Variants in ADGRL2 observed in about 807,000 individuals in gnomAD.
The protein encoded by ADGRL2 is adhesion G protein-coupled receptor L2.
In ADGRL2, 44 loss-of-function variants were observed where a neutral mutation model predicts 157.4. The observed-to-expected ratio is 0.28, with a 90% CI of 0.22 to 0.36. The LOEUF (loss-of-function observed/expected upper bound fraction) is 0.36, where lower values mean the gene tolerates loss of function less well. Ranked by LOEUF, ADGRL2 falls within the 10% of genes least tolerant of loss-of-function variation. The probability of loss-of-function intolerance (pLI) is 1.00; values close to 1 mark genes in which losing one functional copy is unlikely to be tolerated. For missense variants in ADGRL2, 1,510 were observed against 1,768.9 expected (o/e 0.85, Z 2.63); for synonymous variants, 585 against 624.7 (o/e 0.94, Z 0.95).
intron 1 of ADGRL2, among the ~76,000 whole-genome samples, chr1:81,365,684 C>T (rs1425683655): frequency 6.6e-6 from 1 of 152,200 alleles, no homozygotes; most frequent in East Asian, 1.9e-4. Context: ...ACCATACCCA[C>T]AAGCATGATT....
At chr1:81,342,706 T>C (rs1179762058) in intron 1 of ADGRL2, among the ~76,000 whole-genome samples, 2 of 152,166 alleles carry the variant, frequency 1.3e-5, no homozygotes, top group Non-Finnish European at 2.9e-5. Flanking sequence ...AAGTATCTTA[T>C]ATTTAATATG....
intron 2 of ADGRL2, among the ~76,000 whole-genome samples, chr1:81,487,291 A>G (rs1035223754): frequency 5.3e-5 from 8 of 151,994 alleles, no homozygotes; most frequent in African/African-American, 1.7e-4. Context: ...AAAGAAATGT[A>G]TAAGTGGCCA....
intron 1 of ADGRL2, among the ~76,000 whole-genome samples, chr1:81,404,038 C>A (rs555501121): frequency 6.6e-6 from 1 of 151,848 alleles, no homozygotes; most frequent in Non-Finnish European, 1.5e-5. Context: ...CCTCGTAATC[C>A]GTCCACCTCG....
intron 1 of ADGRL2, among the ~76,000 whole-genome samples, chr1:81,399,782 G>A (rs570368188): frequency 6.6e-6 from 1 of 152,092 alleles, no homozygotes; most frequent in African/African-American, 2.4e-5. Context: ...GCAATTCATA[G>A]TTTCCTTTTC....
intron 1 of ADGRL2, among the ~76,000 whole-genome samples, chr1:81,407,464 A>G (rs2076873252): frequency 6.6e-6 from 1 of 152,234 alleles, no homozygotes; most frequent in African/African-American, 2.4e-5. Flanking sequence ...GAGACTGCCC[A>G]CTGTTACACA....
chr1:81,310,336 A>G (rs1297950645), intron 1 of ADGRL2, among the ~76,000 whole-genome samples: 1 of 152,172 alleles, frequency 6.6e-6, no homozygotes, highest in Non-Finnish European at 1.5e-5. Flanking sequence ...CCCAATGTGA[A>G]AAGATGAACT....
Position 81,322,089 on chromosome 1 carries a change from T to TATATATATATATATATATATACAC in ADGRL2, c.-302+15592_-302+15615dup, listed in dbSNP as rs1268332961. Among the ~76,000 whole-genome samples, 363 of 103,488 alleles carry TATATATATATATATATATATACAC rather than the reference T, an allele frequency of 3.5e-3. 2 individuals carry two copies. Among genetic ancestry groups the TATATATATATATATATATATACAC allele is most frequent in the Middle Eastern group, 0.029 (5 of 172 alleles). 67.9% of individuals were successfully genotyped at this position (103,488 alleles called of 152,430 possible). Reference sequence around the variant, plus strand: ...TCCTTAAATGTACAGGACTAATTCATATATATATATATATATATATACACA... The same window carrying TATATATATATATATATATATACAC: ...TCCTTAAATGTACAGGACTAATTCATATATATATATATATATATATACACATATATATATATATATATATACACA... On this transcript the variant is annotated intron_variant, in intron 1 of 24. Transcript: ENST00000370721.
rs141887988 is a variant in ADGRL2, at chr1:81,720,300, C to T, written c.-143+20492C>T. 2.9e-3 allele frequency among the ~76,000 whole-genome samples: 446 copies of T among 151,582 alleles called. 2 individuals are homozygous for T. Among genetic ancestry groups the T allele is most frequent in the African/African-American group, 9.2e-3 (379 of 41,264 alleles). On this transcript the variant is annotated intron_variant, in intron 1 of 20. Transcript: ENST00000359929. ...CAGGTTCAAGTGATTCTCCAGCCTCCCGAGTAGCTGGATTACAGGCCACTA... is the reference window on the plus strand; with the variant it reads ...CAGGTTCAAGTGATTCTCCAGCCTCTCGAGTAGCTGGATTACAGGCCACTA...
chr1:81,489,642 A>G (rs969187947), intron 2 of ADGRL2, among the ~76,000 whole-genome samples: 4 of 152,246 alleles, frequency 2.6e-5, no homozygotes, highest in South Asian at 2.1e-4. Flanking sequence ...GATGAGCTCA[A>G]CAAGACCCAC....
At chr1:81,474,141 G>A (rs1045796670) in intron 2 of ADGRL2, among the ~76,000 whole-genome samples, 1 of 152,220 alleles carries the variant, frequency 6.6e-6, no homozygotes, top group Non-Finnish European at 1.5e-5. Flanking sequence ...GATATGAAAT[G>A]AACGTTTGAG....
chr1:81,390,296 GA>G lies in ADGRL2; in HGVS notation c.-301-54739del, dbSNP rs1223588272. On this transcript the variant is annotated intron_variant, in intron 1 of 24. Transcript: ENST00000370721. The stretch of plus-strand genomic sequence containing the variant: ...GTTGGTTTTGTTGAAAAACGTAAAA[GA>G]GTTATGAAAACTGTGTAAGACTGAT... 1.3e-4 allele frequency among the ~76,000 whole-genome samples: 20 copies of G among 152,134 alleles called. No individual in the cohort carries two copies. In the South Asian group the frequency reaches 4.1e-3, roughly 32 times the overall value.
intron 2 of ADGRL2, among the ~76,000 whole-genome samples, chr1:81,794,788 G>A (rs1316151471): frequency 6.6e-6 from 1 of 152,142 alleles, no homozygotes; most frequent in African/African-American, 2.4e-5. Flanking sequence ...GTTGAAACCT[G>A]AATGATACTA....
chr1:81,671,748 G>A (rs999017753), intron 3 of ADGRL2, among the ~76,000 whole-genome samples: 3 of 152,164 alleles, frequency 2.0e-5, no homozygotes, highest in Admixed American at 2.0e-4. Flanking sequence ...CCTGACCTCA[G>A]GTGATCCACC....
intron 2 of ADGRL2, among the ~76,000 whole-genome samples, chr1:81,517,127 C>T (rs1181128440): frequency 1.3e-5 from 2 of 151,924 alleles, no homozygotes; most frequent in Non-Finnish European, 2.9e-5. Flanking sequence ...TTTTTTTCAC[C>T]TACATAATTC....
intron 2 of ADGRL2, among the ~76,000 whole-genome samples, chr1:81,569,852 G>C (rs76471534): frequency 0.038 from 5,854 of 152,112 alleles, 395 homozygotes; most frequent in African/African-American, 0.13. Flanking sequence ...AACCAAAAAA[G>C]ATGTCAGTAG....
intron 1 of ADGRL2, among the ~76,000 whole-genome samples, chr1:81,371,021 A>G (rs146853667): frequency 3.5e-3 from 538 of 152,264 alleles, no homozygotes; most frequent in Non-Finnish European, 3.8e-3. Flanking sequence ...TTAAAAATGT[A>G]TCTATTTAGG....
intron 2 of ADGRL2, among the ~76,000 whole-genome samples, chr1:81,561,955 A>G (rs533738609): frequency 6.6e-6 from 1 of 152,302 alleles, no homozygotes; most frequent in South Asian, 2.1e-4. Flanking sequence ...GCAACTGACA[A>G]AAAACAAAAG....
chr1:81,432,828 C>T (rs1354335046), intron 1 of ADGRL2, among the ~76,000 whole-genome samples: 1 of 151,994 alleles, frequency 6.6e-6, no homozygotes, highest in Admixed American at 6.6e-5. Flanking sequence ...CTTGGGGCGG[C>T]ATGGGGAATG....
At chr1:81,600,498 A>T (rs139915520) in intron 3 of ADGRL2, among the ~76,000 whole-genome samples, 1 of 152,332 alleles carries the variant, frequency 6.6e-6, no homozygotes, top group East Asian at 1.9e-4. Flanking sequence ...GCCCCAGGCA[A>T]ATATGCACAG....
Sources: gnomAD v4.1 joint callset for allele counts (sites outside exome capture counted in the v4.1 genomes callset) on GRCh38, gnomAD v4.1.1 for gene constraint, MANE v1.5 for transcripts, NCBI Gene and HGNC (gene_info 2026-07-23, HGNC 2026-07-21) for gene names.